CWC22: variants seen among roughly 807,000 people sequenced by gnomAD.
CWC22 encodes the protein pre-mRNA-splicing factor CWC22 homolog.
In CWC22, 53 loss-of-function variants were observed where a neutral mutation model predicts 117.2. The observed-to-expected ratio is 0.45, with a 90% confidence interval of 0.36 to 0.57. The LOEUF (loss-of-function observed/expected upper bound fraction) is 0.57. Ranked by LOEUF, CWC22 falls within the 20% of genes least tolerant of loss-of-function variation. The pLI, the probability that CWC22 is intolerant of heterozygous loss-of-function variation, is 0.00. For synonymous variants in CWC22, 360 were observed against 355.6 expected, an observed-to-expected ratio of 1.01 and a Z score of -0.14; for missense variants, 980 against 1,068.8, an observed-to-expected ratio of 0.92 and a Z score of 1.16.
At chr2:179,966,858 T>C (rs1037881656) in intron 11 of CWC22, among the ~76,000 whole-genome samples, 5 of 152,224 alleles carry the variant, frequency 3.3e-5, no homozygotes, top group African/African-American at 1.2e-4. Flanking sequence ...AGAAAAATTC[T>C]AATTTCTTTA....
intron 2 of CWC22, among the ~76,000 whole-genome samples, chr2:179,990,576 GAGAA>G (rs1381921551): frequency 5.1e-5 from 7 of 136,548 alleles, no homozygotes; most frequent in East Asian, 2.2e-4. Flanking sequence ...GAGAGAGAGA[GAGAA>G]AGAAGAAGGA....
chr2:179,985,715 T>C (rs1376390411), intron 4 of CWC22, among the ~76,000 whole-genome samples: 4 of 152,104 alleles, frequency 2.6e-5, no homozygotes, highest in African/African-American at 9.7e-5. Context: ...GAGTATATTC[T>C]TATAATCGTT....
chr2:179,965,213 TAGA>T lies in CWC22; in HGVS notation c.1316-588_1316-586del, dbSNP rs542444465. ...AAATCTATTTTTACAAAATATGTTA[TAGA>T]AGAAGAATTGTACTATAAGACAGAG... On this transcript the variant is annotated intron_variant, in intron 12 of 19. Coordinates refer to ENST00000410053, the MANE Select transcript of CWC22 (RefSeq NM_020943.3). Among the ~76,000 whole-genome samples, 907 of 152,342 alleles carry T rather than the reference TAGA, an allele frequency of 6.0e-3. 8 individuals are homozygous for T. The highest frequency in any genetic ancestry group is 0.02 in the African/African-American group (829 of 41,582).
At chr2:179,949,462 A>G (rs1686393431) in intron 19 of CWC22, among the ~76,000 whole-genome samples, 1 of 152,190 alleles carries the variant, frequency 6.6e-6, no homozygotes, top group Admixed American at 6.5e-5. Context: ...ATTAAAACTA[A>G]AACCGCCATG....
Position 179,945,526 on chromosome 2 carries a change from C to T in CWC22, c.2330G>A (p.Trp777Ter), listed in dbSNP as rs772666781. ...TGTGTACTTTGTTATAGGATCTCTC[C>T]AATTTGAACCACTTGAATTTTGATC... The part of the protein sequence containing the change: ...HRDQNSSGSN[W>*]RDPITKYTSD... Residue 777 changes from tryptophan (W) to a stop codon, truncating the protein, a stop_gained, in exon 20 of 20, where the codon TGG (tryptophan) becomes TAG (stop). Coordinates refer to ENST00000410053, the MANE Select transcript of CWC22 (RefSeq NM_020943.3). LOFTEE classifies it high-confidence loss of function. 8 of 1,613,088 alleles carry T rather than the reference C, an allele frequency of 5.0e-6. No homozygotes were observed. The highest frequency in any genetic ancestry group is 6.8e-6 in the Non-Finnish European group (8 of 1,179,448).
chr2:179,955,154 A>G, intron 14 of CWC22, 120 bp from the exon 15 acceptor site: 1 of 701,036 alleles, frequency 1.4e-6, no homozygotes, highest in South Asian at 2.1e-5. Flanking sequence ...CAGTTCAAAA[A>G]TTTTGTAAAT....
At chr2:179,967,707 G>T (rs1686927529) in intron 11 of CWC22, among the ~76,000 whole-genome samples, 1 of 150,586 alleles carries the variant, frequency 6.6e-6, no homozygotes, top group Non-Finnish European at 1.5e-5. Context: ...TCTGAGTGAT[G>T]AAATATAAAG....
At position 179,973,673 on chromosome 2, in the gene CWC22, T is replaced by C. The variant is rs1442514668; in HGVS notation, c.711A>G (p.Leu237=). Residue 237 remains leucine, a synonymous_variant, in exon 7 of 20, where the codon TTA becomes TTG. Transcript: ENST00000410053. ...PQIGELILKR[L]ILNFRKGYRR... ...GATAGCCTTTTCGAAAATTAAGAAT[T>C]AACCTTTTGAGGATTAATTCTCCAA... 1 of 1,610,390 alleles carries C rather than the reference T, an allele frequency of 6.2e-7. No homozygotes were observed. The highest frequency in any genetic ancestry group is 8.5e-7 in the Non-Finnish European group (1 of 1,177,654).
intron 1 of CWC22, among the ~76,000 whole-genome samples, chr2:180,002,041 T>C (rs1029098450): frequency 6.6e-6 from 1 of 152,238 alleles, no homozygotes; most frequent in Non-Finnish European, 1.5e-5. Flanking sequence ...TTAATTAACA[T>C]GCGAAAACAA....
chr2:179,959,693 T>C (rs1686697156), intron 13 of CWC22, among the ~76,000 whole-genome samples: 1 of 152,140 alleles, frequency 6.6e-6, no homozygotes, highest in Non-Finnish European at 1.5e-5. Flanking sequence ...TTCTGAATAC[T>C]GTAGGCAACT....
chr2:180,004,244 T>A (rs1409574208), intron 1 of CWC22, among the ~76,000 whole-genome samples: 1 of 152,164 alleles, frequency 6.6e-6, no homozygotes, highest in Non-Finnish European at 1.5e-5. Context: ...GACAATAAAT[T>A]GAAAATATTA....
At chr2:179,953,237 T>C (rs1686500071) in intron 16 of CWC22, among the ~76,000 whole-genome samples, 1 of 152,060 alleles carries the variant, frequency 6.6e-6, no homozygotes, top group Non-Finnish European at 1.5e-5. Context: ...TAGGTTAGAT[T>C]ACGAATGCCT....
chr2:179,973,349 C>T (rs1007584187), intron 7 of CWC22, 103 bp from the exon 8 acceptor site: 14 of 770,118 alleles, frequency 1.8e-5, no homozygotes, highest in Non-Finnish European at 2.8e-5. Context: ...ACATGTACCA[C>T]ACAAGTATAA....
chr2:179,950,794 T>A (rs921892865), intron 18 of CWC22, 31 bp downstream of exon 18: 7 of 1,601,540 alleles, frequency 4.4e-6, no homozygotes, highest in Non-Finnish European at 6.0e-6. Flanking sequence ...AATTTTATAA[T>A]CTGAACATAA....
intron 2 of CWC22, among the ~76,000 whole-genome samples, chr2:179,989,758 T>C (rs764761573): frequency 2.6e-5 from 4 of 152,144 alleles, no homozygotes; most frequent in Non-Finnish European, 4.4e-5. Flanking sequence ...ATTTTTTATA[T>C]AACTGGTCAA....
rs918565629 is a variant in CWC22, at chr2:179,954,847, C to T, written c.1536+110G>A. On this transcript the variant is annotated intron_variant, in intron 15 of 19. Coordinates refer to ENST00000410053, the MANE Select transcript of CWC22 (RefSeq NM_020943.3). ...ACCTGAGGAAGGAGAGAATAATTTG[C>T]TTTTAGCAAAAGTGGTAATATGTTT... The T allele has an allele frequency of 2.7e-5, 18 of 678,768 alleles. No individual in the cohort carries two copies. In the South Asian group the frequency reaches 3.4e-4, roughly 13 times the overall value. 42.0% of individuals were successfully genotyped at this position (678,768 alleles called of 1,614,324 possible).
intron 19 of CWC22, among the ~76,000 whole-genome samples, chr2:179,948,060 A>G (rs766326093): frequency 1.1e-4 from 16 of 152,208 alleles, no homozygotes; most frequent in African/African-American, 1.4e-4. Context: ...TTCCACTTCC[A>G]GGTAGGATAG....
At chr2:180,005,038 A>C (rs1198669026) in intron 1 of CWC22, among the ~76,000 whole-genome samples, 2 of 152,148 alleles carry the variant, frequency 1.3e-5, no homozygotes, top group East Asian at 1.9e-4. Flanking sequence ...AAAAAAAAAA[A>C]AGACAGACAG....
chr2:179,968,628 C>T (rs180969729), intron 11 of CWC22, among the ~76,000 whole-genome samples: 4 of 151,464 alleles, frequency 2.6e-5, no homozygotes, highest in East Asian at 3.9e-4. Context: ...AGTGCAGTGG[C>T]GTGATCTTGG....
Sources: gnomAD v4.1 joint callset for allele counts (sites outside exome capture counted in the v4.1 genomes callset) on GRCh38, gnomAD v4.1.1 for gene constraint, MANE v1.5 for transcripts, NCBI Gene and HGNC (gene_info 2026-07-23, HGNC 2026-07-21) for gene names.